Variants in SH3BGR observed in about 807,000 individuals in gnomAD.
The protein encoded by SH3BGR is SH3 domain-binding glutamic acid-rich protein.
Under a neutral mutation model 24.5 loss-of-function variants are expected in SH3BGR, and 29 were observed. The observed-to-expected ratio is 1.18, with a 90% confidence interval of 0.88 to 1.61. The LOEUF (loss-of-function observed/expected upper bound fraction) is 1.61. SH3BGR is among the 40% of genes most tolerant of loss of function. SH3BGR has a pLI of 0.00. For missense variants in SH3BGR, 162 were observed against 205.8 expected (o/e 0.79, Z 1.30); for synonymous variants, 55 against 65.7 (o/e 0.84, Z 0.79).
chr21:39,482,256 A>G (rs1474512383), intron 3 of SH3BGR, among the ~76,000 whole-genome samples: 1 of 152,264 alleles, frequency 6.6e-6, no homozygotes, highest in East Asian at 1.9e-4. Flanking sequence ...ATTCTTCAAG[A>G]TAACTGACCC....
chr21:39,499,663 C>G (rs978082790), intron 3 of SH3BGR, among the ~76,000 whole-genome samples, 160 bp from the exon 4 acceptor site: 5 of 152,108 alleles, frequency 3.3e-5, no homozygotes, highest in African/African-American at 1.2e-4. Context: ...GTTTGGAGAT[C>G]CTATGCTCTA....
At chr21:39,451,789 C>T, upstream of SH3BGR, 1 of 1,135,948 alleles carries the variant, frequency 8.8e-7, no homozygotes, top group Non-Finnish European at 1.3e-6. Flanking sequence ...CTTTTAGGGA[C>T]TGTTGTCGCG....
intron 1 of SH3BGR, among the ~76,000 whole-genome samples, chr21:39,462,136 A>T (rs2077765466): frequency 6.6e-6 from 1 of 152,224 alleles, no homozygotes; most frequent in African/African-American, 2.4e-5. Context: ...GGTGTGAGCC[A>T]TCGCACCCAG....
intron 4 of SH3BGR, among the ~76,000 whole-genome samples, chr21:39,503,356 C>T (rs2078528424): frequency 6.6e-6 from 1 of 152,138 alleles, no homozygotes. Flanking sequence ...ACCAGAAATG[C>T]AATGCATTGG....
chr21:39,480,340 AC>A (rs1478640668), intron 3 of SH3BGR, among the ~76,000 whole-genome samples: 1 of 152,132 alleles, frequency 6.6e-6, no homozygotes, highest in East Asian at 1.9e-4. Context: ...CTTAGCTGTC[AC>A]CCCCTAATTC....
intron 3 of SH3BGR, among the ~76,000 whole-genome samples, chr21:39,494,665 T>G (rs2078363355): frequency 6.6e-6 from 1 of 152,104 alleles, no homozygotes. Flanking sequence ...AGCCATTTGA[T>G]TATGATATGC....
chr21:39,466,185 T>A (rs1314475171), intron 2 of SH3BGR, among the ~76,000 whole-genome samples: 1 of 152,176 alleles, frequency 6.6e-6, no homozygotes, highest in Admixed American at 6.5e-5. Flanking sequence ...ACCAGCTGAG[T>A]TTGAGAGTGG....
chr21:39,456,977 G>A (rs1280621085), intron 1 of SH3BGR, among the ~76,000 whole-genome samples: 3 of 150,178 alleles, frequency 2.0e-5, no homozygotes, highest in African/African-American at 7.3e-5. Context: ...ATTTATATAA[G>A]TTTATATGTG....
At chr21:39,484,056 T>C (rs959482025) in intron 3 of SH3BGR, among the ~76,000 whole-genome samples, 2 of 152,174 alleles carry the variant, frequency 1.3e-5, no homozygotes, top group Admixed American at 6.5e-5. Context: ...TGGAAGTGGG[T>C]AAAGATAAGA....
chr21:39,454,848 A>G (rs2077629898), intron 1 of SH3BGR, among the ~76,000 whole-genome samples: 1 of 152,210 alleles, frequency 6.6e-6, no homozygotes, highest in Admixed American at 6.5e-5. Flanking sequence ...CTGGGATGGT[A>G]GTGTGCTATG....
intron 3 of SH3BGR, among the ~76,000 whole-genome samples, chr21:39,476,929 G>A (rs1264037550): frequency 3.3e-5 from 5 of 152,098 alleles, no homozygotes; most frequent in Non-Finnish European, 7.4e-5. Flanking sequence ...TTCACCAAGA[G>A]TCCCAATAAA....
chr21:39,474,063 G>A (rs1010528268), intron 2 of SH3BGR, among the ~76,000 whole-genome samples: 1 of 152,080 alleles, frequency 6.6e-6, no homozygotes, highest in African/African-American at 2.4e-5. Flanking sequence ...GATCTGCCAG[G>A]CTCAAGTGAT....
At chr21:39,460,800 A>T (rs911955156) in intron 1 of SH3BGR, among the ~76,000 whole-genome samples, 1 of 152,144 alleles carries the variant, frequency 6.6e-6, no homozygotes, top group Admixed American at 6.5e-5. Flanking sequence ...TTTTTATTTT[A>T]TTTTTAAGAG....
At position 39,491,609 on chromosome 21, in the gene SH3BGR, G is replaced by A. The variant is rs575997768; in HGVS notation, c.313-8214G>A. 36 of 233,310 alleles carry A rather than the reference G, an allele frequency of 1.5e-4. 1 individual carries two copies. Among genetic ancestry groups the A allele is most frequent in the Admixed American group, 5.0e-4 (12 of 24,118 alleles). 14.5% of individuals were successfully genotyped at this position (233,310 alleles called of 1,614,324 possible). On this transcript the variant is annotated intron_variant, in intron 3 of 6. Coordinates refer to ENST00000333634, the MANE Select transcript of SH3BGR (RefSeq NM_007341.3). ...GGTCTAAGTAGGGGTGGAGGTGTTC[G>A]GTCCTTGCAAGCTTCACGAGATTGA...
intron 2 of SH3BGR, among the ~76,000 whole-genome samples, chr21:39,471,379 G>A (rs7279038): frequency 0.43 from 65,454 of 151,780 alleles, 16,590 homozygotes; most frequent in African/African-American, 0.7. Context: ...CCCAGGTGTT[G>A]GAGACCAGCT....
chr21:39,468,304 A>G (rs760507366), intron 2 of SH3BGR, among the ~76,000 whole-genome samples: 4 of 152,232 alleles, frequency 2.6e-5, no homozygotes, highest in Non-Finnish European at 2.9e-5. Context: ...TAAGAAATAC[A>G]TAATTTAAAA....
Position 39,515,226 on chromosome 21 carries a change from C to T in SH3BGR, c.*173C>T. ...CCTGGTTAGATGTACATGGAGGTAT[C>T]TCCCGAATCATACAAAATTAAATGT... On this transcript the variant is annotated 3_prime_UTR_variant, in exon 7 of 7. Transcript: ENST00000333634. 2.4e-6 allele frequency: 1 copy of T among 410,654 alleles called. No homozygotes were observed. Among genetic ancestry groups the T allele is most frequent in the Non-Finnish European group, 5.0e-6 (1 of 198,344 alleles). The allele number at this position is 410,654 out of a possible 1,614,324, so 25.4% of individuals were successfully genotyped here. A position where few individuals can be genotyped will look rare whatever the true frequency, so the allele number is the denominator to read the frequency against.
chr21:39,489,500 C>T (rs1314795153), intron 3 of SH3BGR, among the ~76,000 whole-genome samples: 1 of 152,164 alleles, frequency 6.6e-6, no homozygotes, highest in Admixed American at 6.5e-5. Flanking sequence ...CCATCCTGCT[C>T]TTAGACCTGG....
At chr21:39,457,211 A>G (rs2077670225) in intron 1 of SH3BGR, among the ~76,000 whole-genome samples, 2 of 137,706 alleles carry the variant, frequency 1.5e-5, no homozygotes, top group South Asian at 4.5e-4. Context: ...TATATAAATT[A>G]TATAAAAATC....
Sources: allele counts gnomAD v4.1 joint callset (sites outside exome capture counted in the v4.1 genomes callset), GRCh38; gene constraint gnomAD v4.1.1; transcripts MANE v1.5; gene names NCBI Gene and HGNC (gene_info 2026-07-23, HGNC 2026-07-21).